Variants in HTR4 observed in about 807,000 individuals in gnomAD.
The protein encoded by HTR4 is 5-hydroxytryptamine (serotonin) receptor 4, G protein-coupled.
Under a neutral mutation model 36.8 loss-of-function variants are expected in HTR4, and 16 were observed. The ratio of observed to expected loss-of-function variants is 0.43; its 90% CI spans 0.29 to 0.66. The LOEUF is 0.66. Ranked by LOEUF, HTR4 falls within the 30% of genes least tolerant of loss-of-function variation. The pLI is 0.13. For missense variants in HTR4, 438 were observed against 490.9 expected, an observed-to-expected ratio of 0.89 and a Z score of 1.02; for synonymous variants, 189 against 185.1, an observed-to-expected ratio of 1.02 and a Z score of -0.17.
intron 5 of HTR4, among the ~76,000 whole-genome samples, chr5:148,453,829 A>G (rs1254153624): frequency 6.6e-6 from 1 of 152,154 alleles, no homozygotes; most frequent in Non-Finnish European, 1.5e-5. Context: ...GATGGAGGTA[A>G]GGTGTGGACA....
intron 2 of HTR4, among the ~76,000 whole-genome samples, chr5:148,617,808 T>C (rs1213580724): frequency 6.6e-6 from 1 of 152,094 alleles, no homozygotes; most frequent in African/African-American, 2.4e-5. Flanking sequence ...CAGTAATGAA[T>C]TAATCAGGAC....
At chr5:148,636,339 ATAATTC>A (rs2127306154) in intron 2 of HTR4, among the ~76,000 whole-genome samples, 1 of 152,320 alleles carries the variant, frequency 6.6e-6, no homozygotes, top group African/African-American at 2.4e-5. Context: ...ATATCTATGG[ATAATTC>A]TCAGCCTCAA....
chr5:148,614,979 A>G (rs1480340611), intron 2 of HTR4, among the ~76,000 whole-genome samples: 105 of 139,560 alleles, frequency 7.5e-4, no homozygotes, highest in African/African-American at 1.6e-3. Context: ...AACCACAATG[A>G]GATACCATCT....
chr5:148,481,848 A>T lies in HTR4; in HGVS notation c.*1355T>A. ...CTTTGAATAAAAGACATCCAGATTA[A>T]TCTGAAGGACAAAGCTGGAAAGGTC... is the stretch of plus-strand genomic sequence containing the variant. On this transcript the variant is annotated 3_prime_UTR_variant, in exon 7 of 7. Coordinates refer to ENST00000377888, the MANE Select transcript of HTR4 (RefSeq NM_000870.7). The T allele has an allele frequency of 7.7e-7, 1 of 1,293,412 alleles. No individual in the cohort carries two copies. The highest frequency in any genetic ancestry group is 1.5e-5 in the African/African-American group (1 of 66,174). 80.1% of individuals were successfully genotyped at this position (1,293,412 alleles called of 1,614,324 possible).
chr5:148,600,999 A>AG (rs1355474223), intron 2 of HTR4, among the ~76,000 whole-genome samples: 1 of 148,322 alleles, frequency 6.7e-6, no homozygotes, highest in Non-Finnish European at 1.5e-5. Context: ...AAAAAAAAAA[A>AG]AAAACAAATA....
At chr5:148,595,485 C>T (rs1042930212) in intron 2 of HTR4, among the ~76,000 whole-genome samples, 3 of 152,086 alleles carry the variant, frequency 2.0e-5, no homozygotes, top group Non-Finnish European at 4.4e-5. Flanking sequence ...CTGATAGCAC[C>T]CAGGACACAG....
chr5:148,530,762 C>T (rs1440798031), intron 4 of HTR4, among the ~76,000 whole-genome samples: 1 of 152,190 alleles, frequency 6.6e-6, no homozygotes, highest in Non-Finnish European at 1.5e-5. Flanking sequence ...GCTGCAGACA[C>T]TCAATGCCAG....
downstream of HTR4, among the ~76,000 whole-genome samples, chr5:148,478,565 A>T (rs1052419893): frequency 3.3e-5 from 5 of 152,156 alleles, no homozygotes; most frequent in African/African-American, 1.2e-4. Context: ...AAAGCTAAGG[A>T]CAGGAGGTAA....
intron 2 of HTR4, among the ~76,000 whole-genome samples, chr5:148,599,043 G>T (rs1210898804): frequency 1.3e-5 from 2 of 151,956 alleles, no homozygotes; most frequent in South Asian, 2.1e-4. Context: ...TAGATAAAGA[G>T]AACATTAAAA....
At chr5:148,582,946 C>A (rs1761198170) in intron 2 of HTR4, among the ~76,000 whole-genome samples, 2 of 151,860 alleles carry the variant, frequency 1.3e-5, no homozygotes, top group South Asian at 4.2e-4. Flanking sequence ...TGCCTAATTG[C>A]CCTGGCCAGA....
intron 5 of HTR4, among the ~76,000 whole-genome samples, chr5:148,517,541 G>A (rs1434733461): frequency 6.6e-6 from 1 of 151,782 alleles, no homozygotes; most frequent in Non-Finnish European, 1.5e-5. Context: ...CATCTCGATT[G>A]ATGGTTACTC....
intron 2 of HTR4, among the ~76,000 whole-genome samples, chr5:148,617,072 A>G (rs1420849409): frequency 1.3e-5 from 2 of 152,154 alleles, no homozygotes; most frequent in African/African-American, 2.4e-5. Context: ...TCTTATGTTG[A>G]ACTATAATCC....
At chr5:148,641,267 C>T (rs1753720675) in intron 1 of HTR4, among the ~76,000 whole-genome samples, 1 of 152,166 alleles carries the variant, frequency 6.6e-6, no homozygotes, top group South Asian at 2.1e-4. Flanking sequence ...AGTTGTGTCA[C>T]TTCTAAAAAT....
chr5:148,602,841 G>A (rs1321582960), intron 2 of HTR4, among the ~76,000 whole-genome samples: 1 of 151,984 alleles, frequency 6.6e-6, no homozygotes, highest in Non-Finnish European at 1.5e-5. Context: ...CATCACAAAA[G>A]TAATAAACAT....
intron 1 of HTR4, among the ~76,000 whole-genome samples, chr5:148,642,020 C>T (rs1015140838): frequency 1.3e-5 from 2 of 152,168 alleles, no homozygotes; most frequent in African/African-American, 2.4e-5. Context: ...CTTTGCTCCA[C>T]TTTGTTTTGT....
At chr5:148,490,791 A>T (rs1361959407) in intron 6 of HTR4, 1 of 960,170 alleles carries the variant, frequency 1.0e-6, no homozygotes, top group African/African-American at 1.7e-5. Flanking sequence ...TTTGTTTCTT[A>T]CCTCTCTCCC....
chr5:148,555,133 T>C (rs968070686), intron 2 of HTR4, among the ~76,000 whole-genome samples: 8 of 152,164 alleles, frequency 5.3e-5, no homozygotes, highest in Admixed American at 2.0e-4. Flanking sequence ...GGCTCCTATA[T>C]TGGGGGCAGG....
At chr5:148,479,229 C>A (rs990373105), downstream of HTR4, among the ~76,000 whole-genome samples, 3 of 152,036 alleles carry the variant, frequency 2.0e-5, no homozygotes, top group African/African-American at 7.2e-5. Context: ...CAGGTAGAAT[C>A]TGGTAAAATC....
At chr5:148,638,638 T>G (rs13182501) in intron 1 of HTR4, among the ~76,000 whole-genome samples, 70,417 of 151,900 alleles carry the variant, frequency 0.46, 16,684 homozygotes, top group East Asian at 0.59. Flanking sequence ...CACAAAAACC[T>G]GCTCTTCCCC....
Sources: gnomAD v4.1 joint callset for allele counts (sites outside exome capture counted in the v4.1 genomes callset) on GRCh38, gnomAD v4.1.1 for gene constraint, MANE v1.5 for transcripts, NCBI Gene and HGNC (gene_info 2026-07-23, HGNC 2026-07-21) for gene names.